Variants in RER1 observed in about 807,000 individuals in gnomAD.
RER1 encodes retention in endoplasmic reticulum sorting receptor 1, also known as protein RER1.
In RER1, 6 loss-of-function variants were observed where a neutral mutation model predicts 28.3. The observed-to-expected ratio is 0.21, with a 90% CI of 0.12 to 0.42. The LOEUF is 0.42. Ranked by LOEUF, RER1 falls within the 10% of genes least tolerant of loss-of-function variation. The probability of loss-of-function intolerance (pLI) is 1.00; values close to 1 mark genes in which losing one functional copy is unlikely to be tolerated. For missense variants in RER1, 159 were observed against 252.9 expected (o/e 0.63, Z 2.52); for synonymous variants, 110 against 95.9 (o/e 1.15, Z -0.86).
chr1:2,396,755 C>T (rs987370248), intron 2 of RER1, among the ~76,000 whole-genome samples: 1 of 152,184 alleles, frequency 6.6e-6, no homozygotes, highest in East Asian at 1.9e-4. Flanking sequence ...TGAGATGTGA[C>T]GATAAGGGCT....
intron 2 of RER1, 145 bp from the exon 3 acceptor site, chr1:2,396,970 AC>A: frequency 1.7e-6 from 1 of 579,270 alleles, no homozygotes; most frequent in Non-Finnish European, 3.2e-6. Flanking sequence ...TTGTGCTGAT[AC>A]ATAGATGATC....
At chr1:2,395,701 T>C in intron 1 of RER1, 83 bp from the exon 2 acceptor site, 1 of 928,328 alleles carries the variant, frequency 1.1e-6, no homozygotes, top group Non-Finnish European at 1.8e-6. Flanking sequence ...AGAAACCTAC[T>C]TGACAGTGTT....
rs1190858929 is a variant in RER1 at position 2,403,922 on chromosome 1, C to G, written c.*798C>G. 1 of 152,442 alleles carries G rather than the reference C, an allele frequency of 6.6e-6. No homozygotes were observed. The highest frequency in any genetic ancestry group is 6.5e-5 in the Admixed American group (1 of 15,284). The allele number at this position is 152,442 out of a possible 1,614,324, so 9.4% of individuals were successfully genotyped here. A position where few individuals can be genotyped will look rare whatever the true frequency, so the allele number is the denominator to read the frequency against. On this transcript the variant is annotated 3_prime_UTR_variant, in exon 7 of 7. Coordinates refer to ENST00000605895, the MANE Select transcript of RER1 (RefSeq NM_007033.5). ...CTGCGGGAGAGGCGGAACCCACTTG[C>G]ATGTCAGCGTTTTTGATTCGAGAAA...
intron 4 of RER1, 136 bp from the exon 5 acceptor site, chr1:2,400,721 C>T (rs1192439902): frequency 1.9e-5 from 14 of 748,146 alleles, no homozygotes; most frequent in East Asian, 1.5e-4. Context: ...CCCGTTTTCT[C>T]GTTTTCTCTG....
chr1:2,392,598 G>A lies in RER1; in HGVS notation c.-8+640G>A, dbSNP rs554171500. ...GCACAGAGGGCTGCTTTCAGCCTAA[G>A]TACCTTCAGTGGGCTTTTGCCCTTT... On this transcript the variant is annotated intron_variant, in intron 1 of 6. Coordinates refer to ENST00000605895, the MANE Select transcript of RER1 (RefSeq NM_007033.5). 1.1e-4 allele frequency among the ~76,000 whole-genome samples: 16 copies of A among 152,370 alleles called. No homozygotes were observed. The South Asian group carries it at 3.1e-3, about 30-fold the overall frequency.
chr1:2,396,295 T>G (rs1428959137), intron 2 of RER1: 2 of 190,354 alleles, frequency 1.1e-5, no homozygotes, highest in Non-Finnish European at 2.2e-5. Context: ...GGGCTGCGTG[T>G]GCATTGCTTG....
At chr1:2,397,044 G>A (rs542709555) in intron 2 of RER1, 72 bp from the exon 3 acceptor site, 2 of 949,734 alleles carry the variant, frequency 2.1e-6, no homozygotes, top group Admixed American at 1.9e-5. Context: ...CTAGCAGAAG[G>A]TACATTTTGT....
intron 5 of RER1, chr1:2,401,901 C>T (rs1031245200): frequency 1.9e-5 from 16 of 859,320 alleles, no homozygotes; most frequent in East Asian, 2.7e-5. Context: ...CTCTCCAGAT[C>T]GCAGGCCCAG....
chr1:2,399,676 A>G (rs967215335), intron 4 of RER1, among the ~76,000 whole-genome samples, 162 bp downstream of exon 4: 8 of 152,200 alleles, frequency 5.3e-5, no homozygotes, highest in Admixed American at 4.6e-4. Flanking sequence ...TGACTCTTCA[A>G]ACCCTCCTGA....
chr1:2,392,157 G>A (rs944000826), intron 1 of RER1, among the ~76,000 whole-genome samples, 199 bp downstream of exon 1: 14 of 150,426 alleles, frequency 9.3e-5, no homozygotes, highest in African/African-American at 3.4e-4. Flanking sequence ...TCGGGCCCGG[G>A]ACGGGGTGCT....
intron 1 of RER1, chr1:2,395,560 G>A (rs542884828): frequency 5.9e-4 from 315 of 533,354 alleles, no homozygotes; most frequent in Non-Finnish European, 9.6e-4. Flanking sequence ...ATGAAAATGC[G>A]GCCTGTGCTC....
chr1:2,396,025 A>G, intron 2 of RER1, 154 bp downstream of exon 2: 1 of 669,742 alleles, frequency 1.5e-6, no homozygotes, highest in Non-Finnish European at 2.7e-6. Context: ...CTTCACTGTG[A>G]AGGGCCAGCT....
In RER1 at chr1:2,403,595, T is replaced by C. The variant is rs1642907817; in HGVS notation, c.*471T>C. The C allele has an allele frequency of 5.9e-6, 1 of 168,754 alleles. No individual in the cohort carries two copies. The highest frequency in any genetic ancestry group is 2.4e-5 in the African/African-American group (1 of 41,660). The allele number at this position is 168,754 out of a possible 1,614,324, so 10.5% of individuals were successfully genotyped here. A position where few individuals can be genotyped will look rare whatever the true frequency, so the allele number is the denominator to read the frequency against. ...AAGAACTTAACGTTTTAAAGGTGATTGTCAAGTAACTGTGTGGGGTTCTAA... is the reference window on the plus strand; with the variant it reads ...AAGAACTTAACGTTTTAAAGGTGATCGTCAAGTAACTGTGTGGGGTTCTAA... On this transcript the variant is annotated 3_prime_UTR_variant, in exon 7 of 7. Coordinates refer to ENST00000605895, the MANE Select transcript of RER1 (RefSeq NM_007033.5).
At chr1:2,392,355 C>T (rs1003183478) in intron 1 of RER1, among the ~76,000 whole-genome samples, 3 of 152,244 alleles carry the variant, frequency 2.0e-5, no homozygotes, top group Non-Finnish European at 4.4e-5. Flanking sequence ...GTAATGTGCC[C>T]TGTCCCCATC....
intron 2 of RER1, among the ~76,000 whole-genome samples, chr1:2,396,869 T>G (rs1049033172): frequency 6.6e-6 from 1 of 152,262 alleles, no homozygotes; most frequent in African/African-American, 2.4e-5. Flanking sequence ...CACAGTCTCC[T>G]AGGAGATTGT....
chr1:2,398,118 T>C (rs1642794688), intron 3 of RER1, among the ~76,000 whole-genome samples: 1 of 152,262 alleles, frequency 6.6e-6, no homozygotes, highest in African/African-American at 2.4e-5. Context: ...TCAGTTTTAT[T>C]GCGTTCGAAA....
At position 2,405,200 on chromosome 1, in the gene RER1, C is replaced by T; in HGVS notation, c.*2076C>T. Reference sequence around the variant, plus strand: ...GGTGCTGGCCTTGGTTGGTTTCTCTCTGCCCCGTGTGGTCATCAAGTCCTG... The same window carrying T: ...GGTGCTGGCCTTGGTTGGTTTCTCTTTGCCCCGTGTGGTCATCAAGTCCTG... On this transcript the variant is annotated 3_prime_UTR_variant, in exon 7 of 7. Transcript: ENST00000605895. 1 of 195,612 alleles carries T rather than the reference C, an allele frequency of 5.1e-6. No individual in the cohort carries two copies. Among genetic ancestry groups the T allele is most frequent in the Non-Finnish European group, 1.1e-5 (1 of 93,470 alleles). The allele number at this position is 195,612 out of a possible 1,614,324, so 12.1% of individuals were successfully genotyped here. A position where few individuals can be genotyped will look rare whatever the true frequency, so the allele number is the denominator to read the frequency against.
Position 2,395,636 on chromosome 1 carries a change from C to A in RER1, c.-7-148C>A. ...AGCCTGTGTACCTGCTACTTTTTCCCGAACAATTCATGGTAAAAACACAAA... is the reference window on the plus strand; with the variant it reads ...AGCCTGTGTACCTGCTACTTTTTCCAGAACAATTCATGGTAAAAACACAAA... On this transcript the variant is annotated intron_variant, in intron 1 of 6. Coordinates refer to ENST00000605895, the MANE Select transcript of RER1 (RefSeq NM_007033.5). 6 of 655,316 alleles carry A rather than the reference C, an allele frequency of 9.2e-6. No homozygotes were observed. The South Asian group carries it at 1.1e-4, about 12-fold the overall frequency. The allele number at this position is 655,316 out of a possible 1,614,324, so 40.6% of individuals were successfully genotyped here. A position where few individuals can be genotyped will look rare whatever the true frequency, so the allele number is the denominator to read the frequency against.
intron 1 of RER1, chr1:2,394,650 C>T (rs1171660808): frequency 6.6e-6 from 1 of 152,276 alleles, no homozygotes; most frequent in African/African-American, 2.4e-5. Context: ...TTCTTAGAGC[C>T]TCATTTTACA....
Sources: allele counts gnomAD v4.1 joint callset (sites outside exome capture counted in the v4.1 genomes callset), GRCh38; gene constraint gnomAD v4.1.1; transcripts MANE v1.5; gene names NCBI Gene and HGNC (gene_info 2026-07-23, HGNC 2026-07-21).